CCL24: variants seen among roughly 807,000 people sequenced by gnomAD.
The protein encoded by CCL24 is C-C motif chemokine 24.
CCL24 carries 6 observed loss-of-function variants against 8.6 expected under a neutral mutation model. The observed-to-expected ratio is 0.70, with a 90% CI of 0.38 to 1.38. The LOEUF is 1.38. CCL24 is among the 40% of genes most tolerant of loss of function. The pLI, the probability that CCL24 is intolerant of heterozygous loss-of-function variation, is 0.02. For missense variants in CCL24, 126 were observed against 147.1 expected, an observed-to-expected ratio of 0.86 and a Z score of 0.74; for synonymous variants, 59 against 52.7, an observed-to-expected ratio of 1.12 and a Z score of -0.52.
intron 1 of CCL24, 107 bp downstream of exon 1, chr7:75,813,536 C>T (rs1386659883): frequency 7.9e-6 from 10 of 1,269,246 alleles, no homozygotes; most frequent in African/African-American, 5.9e-5. Flanking sequence ...TTCACTGGGC[C>T]ACCCTTTCCC....
intron 1 of CCL24, among the ~76,000 whole-genome samples, chr7:75,819,337 T>TATATATATA (rs1563353524): frequency 1.7e-4 from 16 of 92,192 alleles, no homozygotes; most frequent in South Asian, 3.9e-4. Context: ...TATATATATA[T>TATATATATA]TCATAGGCTG....
chr7:75,815,544 C>T (rs1036000085), upstream of CCL24, among the ~76,000 whole-genome samples: 2 of 152,066 alleles, frequency 1.3e-5, no homozygotes, highest in Non-Finnish European at 2.9e-5. Flanking sequence ...GAGGAAAGTT[C>T]AGGAGGGACT....
rs1803759305 is a variant in CCL24, at chr7:75,811,509, A to G, written c.*287T>C. On this transcript the variant is annotated 3_prime_UTR_variant, in exon 3 of 3. Coordinates refer to ENST00000222902, the MANE Select transcript of CCL24 (RefSeq NM_002991.3). ...AAAAAAAAAAAGAAAAAGCATCAGA[A>G]CCAGGTCAGGAGGAGAAGGCAAAGA... is the stretch of plus-strand genomic sequence containing the variant. Among the ~76,000 whole-genome samples the G allele has an allele frequency of 6.6e-6, 1 of 151,846 alleles. No individual in the cohort carries two copies. Among genetic ancestry groups the G allele is most frequent in the South Asian group, 2.1e-4 (1 of 4,816 alleles).
chr7:75,820,065 T>TTCTTCTTCTTCTTCTTCTTCTTCTTCC (rs1803998936), intron 1 of CCL24, among the ~76,000 whole-genome samples: 2 of 138,502 alleles, frequency 1.4e-5, no homozygotes. Flanking sequence ...CTTCTTCTTC[T>TTCTTCTTCTTCTTCTTCTTCTTCTTCC]TCTTCTTCTT....
chr7:75,811,884 G>T lies in CCL24; in HGVS notation c.272C>A (p.Ala91Asp), dbSNP rs782373030. 2.5e-6 allele frequency: 4 copies of T among 1,611,798 alleles called. No individual in the cohort carries two copies. Among genetic ancestry groups the T allele is most frequent in the Non-Finnish European group, 3.4e-6 (4 of 1,179,664 alleles). ...CCTAGGGGAAGCCTTCTTCTGCTTG[G>T]CGTCCAGGTTCTTCATGTACCTCTG... ...WVQRYMKNLD[A>D]KQKKASPRAR... Residue 91 changes from alanine to aspartate, a missense_variant, in exon 3 of 3, where the codon GCC becomes GAC. Transcript: ENST00000222902.
chr7:75,820,092 T>TTCC (rs1563353922), intron 1 of CCL24, among the ~76,000 whole-genome samples: 23 of 122,868 alleles, frequency 1.9e-4, no homozygotes, highest in African/African-American at 4.5e-4. Context: ...CTTCTTCCTC[T>TTCC]TCTTCTTCTT....
chr7:75,820,133 C>CTTCTTCTTCTTCTTCTTCTTCTTCTTCTT (rs1563354037), intron 1 of CCL24, among the ~76,000 whole-genome samples: 75 of 78,558 alleles, frequency 9.5e-4, no homozygotes, highest in East Asian at 2.4e-3. Flanking sequence ...TTCTTCTTCT[C>CTTCTTCTTCTTCTTCTTCTTCTTCTTCTT]CTCCTCCTCC....
chr7:75,814,806 A>C (rs1431748810), upstream of CCL24, among the ~76,000 whole-genome samples: 2 of 151,882 alleles, frequency 1.3e-5, no homozygotes, highest in African/African-American at 4.8e-5. Context: ...CCGACTCCAG[A>C]TCCAGCATGA....
Position 75,811,704 on chromosome 7 carries a change from G to T in CCL24, c.*92C>A. On this transcript the variant is annotated 3_prime_UTR_variant, in exon 3 of 3. Coordinates refer to ENST00000222902, the MANE Select transcript of CCL24 (RefSeq NM_002991.3). ...GTGTTGCTAAGAAACAGGAAAATTAGCTCTTCCCCCCATCACTGTGGCTTC... is the reference window on the plus strand; with the variant it reads ...GTGTTGCTAAGAAACAGGAAAATTATCTCTTCCCCCCATCACTGTGGCTTC... 8.7e-7 allele frequency: 1 copy of T among 1,144,248 alleles called. No homozygotes were observed. Among genetic ancestry groups the T allele is most frequent in the Non-Finnish European group, 1.2e-6 (1 of 806,314 alleles). The allele number at this position is 1,144,248 out of a possible 1,614,324, so 70.9% of individuals were successfully genotyped here.
upstream of CCL24, among the ~76,000 whole-genome samples, chr7:75,815,638 G>A (rs190416253): frequency 8.1e-4 from 124 of 152,226 alleles, no homozygotes; most frequent in Non-Finnish European, 1.4e-3. Context: ...GTCCAGTTCA[G>A]TTGTAAGGGA....
chr7:75,815,340 T>TA (rs781838332), upstream of CCL24, among the ~76,000 whole-genome samples: 778 of 128,328 alleles, frequency 6.1e-3, 2 homozygotes, highest in Admixed American at 0.011. Context: ...TCCTGTCTCT[T>TA]AAAAAAAAAA....
chr7:75,820,018 A>ACGTCGTCTTCTTCTTCTTCTT (rs1230617445), intron 1 of CCL24, among the ~76,000 whole-genome samples: 1 of 104,816 alleles, frequency 9.5e-6, no homozygotes, highest in Non-Finnish European at 2.0e-5. Flanking sequence ...TTAGTAAACT[A>ACGTCGTCTTCTTCTTCTTCTT]CTTCTTCTTC....
At position 75,813,336 on chromosome 7, in the gene CCL24, C is replaced by T; in HGVS notation, c.161G>A (p.Ser54Asn). The change falls in exon 2 of 3, where the codon AGC becomes AAC. Residue 54 changes from serine to asparagine, a missense_variant. By Grantham distance (46) the Ser-to-Asn change is conservative. Transcript: ENST00000222902. ...TCCTGCCTTGAGGCATGTGCTCCTG[C>T]TGGACAGCTGGTAGCTGACCACTCG... Reference protein sequence around the residue: ...ENRVVSYQLSSRSTCLKAGVI... With the variant: ...ENRVVSYQLSNRSTCLKAGVI... The T allele has an allele frequency of 1.9e-6, 3 of 1,611,870 alleles. No individual in the cohort carries two copies. The highest frequency in any genetic ancestry group is 2.5e-6 in the Non-Finnish European group (3 of 1,178,194).
chr7:75,810,843 C>T lies in CCL24; in HGVS notation c.*953G>A, dbSNP rs1268614889. Among the ~76,000 whole-genome samples, 1 of 150,706 alleles carries T rather than the reference C, an allele frequency of 6.6e-6. No individual in the cohort carries two copies. Among genetic ancestry groups the T allele is most frequent in the South Asian group, 2.1e-4 (1 of 4,776 alleles). On this transcript the variant is annotated 3_prime_UTR_variant, in exon 3 of 3. Coordinates refer to ENST00000222902, the MANE Select transcript of CCL24 (RefSeq NM_002991.3). ...AACAACCTTCAAAGAAAAAAAGAATCGCATTTTATTTGGCCTATTATTTGA... is the reference window on the plus strand; with the variant it reads ...AACAACCTTCAAAGAAAAAAAGAATTGCATTTTATTTGGCCTATTATTTGA...
In CCL24 at chr7:75,822,713, C is replaced by G. The variant is rs1322248718; in HGVS notation, c.-60+609G>C. Among the ~76,000 whole-genome samples, 7 of 152,134 alleles carry G rather than the reference C, an allele frequency of 4.6e-5. 1 individual carries two copies. The South Asian group carries it at 1.0e-3, about 23-fold the overall frequency. On this transcript the variant is annotated intron_variant, in intron 1 of 3. Coordinates refer to the CCL24 transcript ENST00000416943. ...GCGTGGTGGCAGGTGCCTGTAATCC[C>G]AGCTACTCAGGAGGTTGAGGCATGA...
At chr7:75,819,830 C>T (rs1003442995) in intron 1 of CCL24, among the ~76,000 whole-genome samples, 5 of 151,844 alleles carry the variant, frequency 3.3e-5, no homozygotes, top group African/African-American at 1.2e-4. Flanking sequence ...GGTGTAGTGA[C>T]ATATTTTAGT....
intron 2 of CCL24, 32 bp downstream of exon 2, chr7:75,813,274 T>A: frequency 7.4e-7 from 1 of 1,359,212 alleles, no homozygotes; most frequent in Non-Finnish European, 1.1e-6. Context: ...CCCCCACCCC[T>A]CTCCTGCCAC....
In CCL24 at chr7:75,810,957, C is replaced by A. The variant is rs1803742559; in HGVS notation, c.*839G>T. ...GCTAGAGTCTTTTCTCCCCCTAATC[C>A]CCCCACCCTATCTTCCCCTCACCAA... On this transcript the variant is annotated 3_prime_UTR_variant, in exon 3 of 3. Transcript: ENST00000222902. 6.6e-6 allele frequency among the ~76,000 whole-genome samples: 1 copy of A among 151,630 alleles called. No individual in the cohort carries two copies. Among genetic ancestry groups the A allele is most frequent in the Non-Finnish European group, 1.5e-5 (1 of 67,924 alleles).
chr7:75,817,858 T>A (rs782098303), upstream of CCL24, among the ~76,000 whole-genome samples: 8 of 150,794 alleles, frequency 5.3e-5, no homozygotes, highest in East Asian at 1.6e-3. Flanking sequence ...TCAGACACAG[T>A]CTCTCTTTGT....
Sources: gnomAD v4.1 joint callset for allele counts (sites outside exome capture counted in the v4.1 genomes callset) on GRCh38, gnomAD v4.1.1 for gene constraint, MANE v1.5 for transcripts, NCBI Gene and HGNC (gene_info 2026-07-23, HGNC 2026-07-21) for gene names.